PARD3: variants seen among roughly 807,000 people sequenced by gnomAD.
The protein encoded by PARD3 is partitioning defective 3 homolog.
In PARD3, 75 loss-of-function variants were observed where a neutral mutation model predicts 155.4. The ratio of observed to expected loss-of-function variants is 0.48; its 90% CI spans 0.40 to 0.58. The LOEUF (loss-of-function observed/expected upper bound fraction) is 0.58. PARD3 is among the 20% of genes least tolerant of loss of function. The pLI is 0.00. For missense variants in PARD3, 1,642 were observed against 1,721.7 expected, an observed-to-expected ratio of 0.95 and a Z score of 0.82; for synonymous variants, 576 against 610.5, an observed-to-expected ratio of 0.94 and a Z score of 0.83.
intron 22 of PARD3, among the ~76,000 whole-genome samples, chr10:34,212,678 G>A (rs1051937318): frequency 6.6e-6 from 1 of 151,824 alleles, no homozygotes; most frequent in Admixed American, 6.6e-5. Flanking sequence ...GGTTCTGAGG[G>A]GGGCAAAGGC....
chr10:34,773,799 T>C lies in PARD3; in HGVS notation c.120+41077A>G, dbSNP rs145896590. ...GGGCAAACATCCACTAGGCACTTAATGTTCTTCTCATAAACTTGATGGGGT... is the reference window on the plus strand; with the variant it reads ...GGGCAAACATCCACTAGGCACTTAACGTTCTTCTCATAAACTTGATGGGGT... On this transcript the variant is annotated intron_variant, in intron 1 of 24. Coordinates refer to ENST00000374788, the MANE Select transcript of PARD3 (RefSeq NM_001184785.2). 4.0e-4 allele frequency among the ~76,000 whole-genome samples: 61 copies of C among 152,354 alleles called. 1 individual carries two copies. In the East Asian group the frequency reaches 0.012, roughly 29 times the overall value.
chr10:34,769,449 T>A (rs905257531), intron 1 of PARD3, among the ~76,000 whole-genome samples: 2 of 152,092 alleles, frequency 1.3e-5, no homozygotes, highest in African/African-American at 4.8e-5. Context: ...ATTTATCCTC[T>A]CCAGGTGAAA....
intron 20 of PARD3, among the ~76,000 whole-genome samples, chr10:34,288,241 A>T (rs535020242): frequency 6.6e-6 from 1 of 152,350 alleles, no homozygotes; most frequent in South Asian, 2.1e-4. Context: ...AGATGAATGT[A>T]TGAAAATTAA....
rs372138596 is a variant in PARD3 at position 34,787,075 on chromosome 10, A to G, written c.120+27801T>C. ...ACTTAGCAAAAATCCCTATGAATCT[A>G]CTATACACCAAGAATATAAAGATAG... On this transcript the variant is annotated intron_variant, in intron 1 of 24. Transcript: ENST00000374788. Among the ~76,000 whole-genome samples the G allele has an allele frequency of 9.8e-5, 15 of 152,332 alleles. No homozygotes were observed. In the South Asian group the frequency reaches 3.1e-3, roughly 32 times the overall value.
At chr10:34,505,016 G>A (rs2080968166) in intron 3 of PARD3, among the ~76,000 whole-genome samples, 1 of 152,000 alleles carries the variant, frequency 6.6e-6, no homozygotes, top group African/African-American at 2.4e-5. Context: ...CAAGTACCTG[G>A]TTGGATTGAA....
At chr10:34,641,181 C>A (rs988401617) in intron 2 of PARD3, among the ~76,000 whole-genome samples, 3 of 152,100 alleles carry the variant, frequency 2.0e-5, no homozygotes, top group Non-Finnish European at 4.4e-5. Flanking sequence ...CTCCTTACCA[C>A]GAACACACTT....
At chr10:34,380,994 AG>A (rs1053486664) in intron 9 of PARD3, among the ~76,000 whole-genome samples, 25 of 152,208 alleles carry the variant, frequency 1.6e-4, no homozygotes, top group Non-Finnish European at 8.8e-5. Context: ...ACAGAGCTAA[AG>A]GGGTTTCTGT....
At chr10:34,403,180 T>C (rs1844082810) in intron 5 of PARD3, among the ~76,000 whole-genome samples, 1 of 152,200 alleles carries the variant, frequency 6.6e-6, no homozygotes, top group Non-Finnish European at 1.5e-5. Context: ...TTAATCTGTT[T>C]CTTAGAGGTT....
At chr10:34,666,816 T>TATGTATATATATATAC (rs765552982) in intron 2 of PARD3, among the ~76,000 whole-genome samples, 4 of 88,768 alleles carry the variant, frequency 4.5e-5, no homozygotes, top group Admixed American at 3.1e-4. Context: ...TATATATATA[T>TATGTATATATATATAC]ACACACACAC....
chr10:34,269,336 A>G (rs1366856296), intron 22 of PARD3, among the ~76,000 whole-genome samples: 4 of 152,204 alleles, frequency 2.6e-5, no homozygotes, highest in Non-Finnish European at 2.9e-5. Flanking sequence ...ATAAAAGGAC[A>G]TATCACTTAA....
In PARD3 at chr10:34,633,955, C is replaced by T. The variant is rs183544643; in HGVS notation, c.222+62363G>A. Among the ~76,000 whole-genome samples the T allele has an allele frequency of 8.5e-5, 13 of 152,250 alleles. No homozygotes were observed. The East Asian group carries it at 2.5e-3, about 29-fold the overall frequency. ...AGAGTTTTAAGTAGAAGGCCATTAG[C>T]GTCCATTTTAACCCCTATTCCATAC... On this transcript the variant is annotated intron_variant, in intron 2 of 24. Transcript: ENST00000374788.
rs536892720 is a variant in PARD3, at chr10:34,178,826, C to CTTG, written c.3420-47244_3420-47243insCAA. ...GTCACCTAATAGAATGCTTTCATAA[C>CTTG]TTTAACAAGGACCCAGAGTATTATC... is the stretch of plus-strand genomic sequence containing the variant. On this transcript the variant is annotated intron_variant, in intron 22 of 24. Coordinates refer to ENST00000374788, the MANE Select transcript of PARD3 (RefSeq NM_001184785.2). Among the ~76,000 whole-genome samples the CTTG allele has an allele frequency of 8.5e-5, 13 of 152,306 alleles. No homozygotes were observed. The East Asian group carries it at 2.5e-3, about 29-fold the overall frequency.
intron 1 of PARD3, among the ~76,000 whole-genome samples, chr10:34,707,706 C>T (rs1338870924): frequency 6.6e-6 from 1 of 152,246 alleles, no homozygotes; most frequent in East Asian, 1.9e-4. Context: ...TGAACACACA[C>T]ACACATATTT....
intron 2 of PARD3, among the ~76,000 whole-genome samples, chr10:34,632,573 A>G (rs2092314336): frequency 6.6e-6 from 1 of 152,228 alleles, no homozygotes. Context: ...TAATACTGCC[A>G]ACACCAGCTC....
intron 2 of PARD3, among the ~76,000 whole-genome samples, chr10:34,544,353 G>A (rs528122896): frequency 3.9e-5 from 6 of 151,988 alleles, no homozygotes; most frequent in Non-Finnish European, 7.4e-5. Context: ...GAAATAACTA[G>A]GTCATTCTAG....
chr10:34,515,350 T>C (rs1440313098), intron 3 of PARD3, among the ~76,000 whole-genome samples: 2 of 152,266 alleles, frequency 1.3e-5, no homozygotes, highest in African/African-American at 4.8e-5. Flanking sequence ...AAGCTAAATC[T>C]CTTGCATATA....
At chr10:34,711,475 G>A (rs1478102717) in intron 1 of PARD3, among the ~76,000 whole-genome samples, 4 of 151,242 alleles carry the variant, frequency 2.6e-5, no homozygotes, top group East Asian at 4.0e-4. Flanking sequence ...GAGCCAAGAC[G>A]GTGCCACTGC....
intron 22 of PARD3, chr10:34,202,073 C>T (rs1588735036): frequency 6.6e-6 from 1 of 152,150 alleles, no homozygotes; most frequent in Admixed American, 6.5e-5. Flanking sequence ...ATCGAACCAG[C>T]CTATTTTTGT....
chr10:34,237,475 A>T (rs1211050627), intron 22 of PARD3, among the ~76,000 whole-genome samples: 1 of 152,202 alleles, frequency 6.6e-6, no homozygotes, highest in Non-Finnish European at 1.5e-5. Context: ...TTTAACAACC[A>T]TGATAGTTTT....
Sources: gnomAD v4.1 joint callset for allele counts (sites outside exome capture counted in the v4.1 genomes callset) on GRCh38, gnomAD v4.1.1 for gene constraint, MANE v1.5 for transcripts, NCBI Gene and HGNC (gene_info 2026-07-23, HGNC 2026-07-21) for gene names.